GAD2: variants seen among roughly 807,000 people sequenced by gnomAD.
The protein encoded by GAD2 is glutamate decarboxylase 2.
In GAD2, 22 loss-of-function variants were observed where a neutral mutation model predicts 80.1. The ratio of observed to expected loss-of-function variants is 0.27; its 90% CI spans 0.20 to 0.39. The LOEUF is 0.39. Among genes scored for constraint, GAD2 ranks in the 10% least tolerant of loss-of-function variants. The pLI is 1.00. For missense variants in GAD2, 624 were observed against 738.4 expected, an observed-to-expected ratio of 0.85 and a Z score of 1.80; for synonymous variants, 274 against 256.9, an observed-to-expected ratio of 1.07 and a Z score of -0.64.
intron 15 of GAD2, among the ~76,000 whole-genome samples, chr10:26,300,391 C>A (rs758394370): frequency 3.9e-5 from 6 of 152,134 alleles, no homozygotes; most frequent in Non-Finnish European, 7.3e-5. Flanking sequence ...CTCAAACTTA[C>A]ATTTTGGTAA....
intron 8 of GAD2, among the ~76,000 whole-genome samples, chr10:26,255,747 CG>C (rs1263576489): frequency 6.6e-6 from 1 of 152,020 alleles, no homozygotes; most frequent in Non-Finnish European, 1.5e-5. Context: ...GTTTAATTTT[CG>C]TTATTGAGTT....
Position 26,216,856 on chromosome 10 carries a change from G to T in GAD2, c.47G>T (p.Gly16Val), listed in dbSNP as rs768502950. 35 of 1,612,140 alleles carry T rather than the reference G, an allele frequency of 2.2e-5. No individual in the cohort carries two copies. Among genetic ancestry groups the T allele is most frequent in the Non-Finnish European group, 2.7e-5 (32 of 1,179,286 alleles). ...TTTTGGTCTTTCGGGTCGGAAGATG[G>T]CTCTGGGGATTCCGAGAATCCCGGC... ...SGFWSFGSED[G>V]SGDSENPGTA... The change falls in exon 1 of 16, where the codon GGC (glycine) becomes GTC (valine). Residue 16 changes from glycine (G) to valine (V), a missense_variant. By Grantham distance (109) the Gly-to-Val change is moderately radical (BLOSUM62 -3). Transcript: ENST00000376261. The surrounding 1 kb of genome is among the most constrained non-coding windows in gnomAD (Gnocchi z 4.7).
chr10:26,272,980 C>T (rs1845154567), intron 10 of GAD2, among the ~76,000 whole-genome samples: 1 of 152,180 alleles, frequency 6.6e-6, no homozygotes, highest in Admixed American at 6.5e-5. Context: ...TATTTGTACA[C>T]ACAGAGGAAA....
chr10:26,225,185 A>T (rs1037585529), intron 6 of GAD2, among the ~76,000 whole-genome samples: 1 of 152,186 alleles, frequency 6.6e-6, no homozygotes, highest in Non-Finnish European at 1.5e-5. Context: ...TAGAGCAAAA[A>T]TAGAGGGTGA....
rs17847119 is a variant in GAD2, at chr10:26,281,282, C to T, written c.1236+195C>T. Among the ~76,000 whole-genome samples the T allele has an allele frequency of 1.4e-4, 22 of 152,242 alleles. No homozygotes were observed. In the East Asian group the frequency reaches 3.7e-3, roughly 25 times the overall value. ...TAACAGGGAAGAAAGGATAAGAGGA[C>T]CTCAAATTTCAGAACATAAACTTTG... On this transcript the variant is annotated intron_variant, in intron 12 of 15. Coordinates refer to ENST00000376261, the MANE Select transcript of GAD2 (RefSeq NM_001134366.2).
chr10:26,280,222 T>C (rs1270679444), intron 11 of GAD2, among the ~76,000 whole-genome samples: 1 of 152,148 alleles, frequency 6.6e-6, no homozygotes, highest in Non-Finnish European at 1.5e-5. Context: ...AAAGAAAAGT[T>C]GCAGTGTGAA....
At chr10:26,279,717 G>A (rs542351436) in intron 11 of GAD2, among the ~76,000 whole-genome samples, 41 of 152,260 alleles carry the variant, frequency 2.7e-4, no homozygotes, top group South Asian at 8.3e-4. Context: ...CCCTGAGCAC[G>A]GAATCGCTGT....
At chr10:26,247,841 A>G (rs1281685025) in intron 8 of GAD2, among the ~76,000 whole-genome samples, 1 of 146,124 alleles carries the variant, frequency 6.8e-6, no homozygotes, top group Non-Finnish European at 1.5e-5. Flanking sequence ...GGTTGCAGTG[A>G]GCCGAGATCA....
At chr10:26,297,591 A>G (rs1761920167) in intron 15 of GAD2, among the ~76,000 whole-genome samples, 1 of 152,246 alleles carries the variant, frequency 6.6e-6, no homozygotes, top group Non-Finnish European at 1.5e-5. Context: ...TTCTTTATTT[A>G]GGAAAACTAG....
At chr10:26,221,928 G>A (rs552007818) in intron 4 of GAD2, among the ~76,000 whole-genome samples, 2 of 152,332 alleles carry the variant, frequency 1.3e-5, no homozygotes, top group East Asian at 1.9e-4. Context: ...ATTCCTTGGA[G>A]AGAGCCCTGC....
intron 7 of GAD2, among the ~76,000 whole-genome samples, chr10:26,237,744 A>C (rs940470474): frequency 1.3e-5 from 2 of 152,162 alleles, no homozygotes; most frequent in African/African-American, 2.4e-5. Flanking sequence ...GCAGTGGTTC[A>C]TGCCTGTAAT....
chr10:26,295,928 A>G (rs1834269089), intron 15 of GAD2, among the ~76,000 whole-genome samples: 1 of 152,222 alleles, frequency 6.6e-6, no homozygotes, highest in South Asian at 2.1e-4. Context: ...TGTAGTGCAC[A>G]ATAGGAACTC....
At chr10:26,253,656 C>A (rs1420049662) in intron 8 of GAD2, among the ~76,000 whole-genome samples, 2 of 152,160 alleles carry the variant, frequency 1.3e-5, no homozygotes, top group African/African-American at 4.8e-5. Context: ...TGGCTGCAGG[C>A]AGTGGTCTTG....
intron 3 of GAD2, among the ~76,000 whole-genome samples, chr10:26,218,551 T>TCACACACACACACA (rs59054319): frequency 2.5e-3 from 295 of 118,852 alleles, no homozygotes; most frequent in East Asian, 0.016. Flanking sequence ...TCTCTCTCTC[T>TCACACACACACACA]CACACACACA....
intron 4 of GAD2, among the ~76,000 whole-genome samples, chr10:26,221,105 G>A (rs1226480846): frequency 1.3e-5 from 2 of 152,180 alleles, no homozygotes; most frequent in African/African-American, 4.8e-5. Flanking sequence ...AAAATTAACA[G>A]CAGTCATTTT....
At chr10:26,295,508 G>GCACATACACACA (rs1554853880) in intron 15 of GAD2, among the ~76,000 whole-genome samples, 3 of 133,822 alleles carry the variant, frequency 2.2e-5, no homozygotes, top group African/African-American at 9.1e-5. Flanking sequence ...TCATACGCAT[G>GCACATACACACA]CACACACACA....
At chr10:26,284,720 C>T (rs1845310933) in intron 12 of GAD2, among the ~76,000 whole-genome samples, 1 of 151,878 alleles carries the variant, frequency 6.6e-6, no homozygotes, top group East Asian at 1.9e-4. Context: ...TACAGGCACC[C>T]ACCACCGCCC....
intron 15 of GAD2, among the ~76,000 whole-genome samples, chr10:26,294,091 G>A (rs1036300240): frequency 6.6e-6 from 1 of 152,202 alleles, no homozygotes; most frequent in Non-Finnish European, 1.5e-5. Flanking sequence ...TGCAGGACCT[G>A]TCCCCCATTC....
intron 8 of GAD2, among the ~76,000 whole-genome samples, chr10:26,255,752 T>C (rs1459215335): frequency 1.3e-5 from 2 of 152,168 alleles, no homozygotes; most frequent in East Asian, 1.9e-4. Context: ...ATTTTCGTTA[T>C]TGAGTTTCCT....
Sources: allele counts gnomAD v4.1 joint callset (sites outside exome capture counted in the v4.1 genomes callset), GRCh38; gene constraint gnomAD v4.1.1; non-coding constraint Gnocchi (gnomAD v3.1); transcripts MANE v1.5; gene names NCBI Gene and HGNC (gene_info 2026-07-23, HGNC 2026-07-21).